PITRM1: variants seen among roughly 807,000 people sequenced by gnomAD.
PITRM1 encodes pitrilysin metallopeptidase 1.
PITRM1 carries 100 observed loss-of-function variants against 129.9 expected under a neutral mutation model. That is an observed-to-expected ratio of 0.77 (90% CI 0.65 to 0.91). The LOEUF (loss-of-function observed/expected upper bound fraction) is 0.91. Among genes scored for constraint, PITRM1 ranks in the 40% least tolerant of loss-of-function variants. The pLI is 0.00. For missense variants in PITRM1, 1,471 were observed against 1,318.3 expected, an observed-to-expected ratio of 1.12 and a Z score of -1.79; for synonymous variants, 591 against 508.8, an observed-to-expected ratio of 1.16 and a Z score of -2.17.
chr10:3,139,287 C>T (rs919247056), intron 24 of PITRM1, among the ~76,000 whole-genome samples: 2 of 152,316 alleles, frequency 1.3e-5, no homozygotes, highest in South Asian at 2.1e-4. Context: ...TGCACAAAGT[C>T]CTCCCTAGAT....
chr10:3,152,712 C>G (rs1841625974), intron 14 of PITRM1, among the ~76,000 whole-genome samples: 1 of 152,260 alleles, frequency 6.6e-6, no homozygotes, highest in East Asian at 1.9e-4. Context: ...CCTCACGCCA[C>G]TCGGAGATTT....
At chr10:3,171,166 A>AAAAAAAAAAAAC in intron 1 of PITRM1, among the ~76,000 whole-genome samples, 1 of 138,052 alleles carries the variant, frequency 7.2e-6, no homozygotes. Context: ...AAAAAAAAAA[A>AAAAAAAAAAAAC]AAAAAAAAAA....
At chr10:3,164,174 G>T (rs1056370469) in intron 6 of PITRM1, 5 of 171,658 alleles carry the variant, frequency 2.9e-5, no homozygotes, top group Non-Finnish European at 6.2e-5. Context: ...AAATCGGGAT[G>T]GATCAGTCGG....
At chr10:3,162,266 C>A (rs1842518014) in intron 7 of PITRM1, among the ~76,000 whole-genome samples, 1 of 152,150 alleles carries the variant, frequency 6.6e-6, no homozygotes, top group African/African-American at 2.4e-5. Context: ...AGCAGCCGGC[C>A]CTGCCTTTTC....
At chr10:3,143,841 C>T in intron 22 of PITRM1, 1 of 563,872 alleles carries the variant, frequency 1.8e-6, no homozygotes, top group Non-Finnish European at 3.4e-6. Flanking sequence ...TATTTCATAT[C>T]ATATTATATC....
intron 9 of PITRM1, 30 bp from the exon 10 acceptor site, chr10:3,159,072 TAAGAA>T (rs1430882928): frequency 6.3e-7 from 1 of 1,588,026 alleles, no homozygotes; most frequent in African/African-American, 1.4e-5. Flanking sequence ...AACGGGGAGG[TAAGAA>T]AAGAGTAAAG....
intron 10 of PITRM1, among the ~76,000 whole-genome samples, chr10:3,158,434 C>A (rs1203230320): frequency 6.6e-6 from 1 of 152,136 alleles, no homozygotes; most frequent in Admixed American, 6.6e-5. Context: ...CCTGTAGTCC[C>A]AGCTACTCTG....
chr10:3,160,533 TTGTTA>T (rs1842358453), intron 7 of PITRM1, among the ~76,000 whole-genome samples: 2 of 152,054 alleles, frequency 1.3e-5, no homozygotes, highest in Admixed American at 1.3e-4. Context: ...TTACAGTATA[TTGTTA>T]TAATTGTTCT....
chr10:3,166,343 C>T lies in PITRM1; in HGVS notation c.304G>A (p.Val102Ile), dbSNP rs1200005767. The T allele has an allele frequency of 3.2e-6, 4 of 1,259,932 alleles. No homozygotes were observed. The African/African-American group carries it at 7.9e-5, about 25-fold the overall frequency. The allele number at this position is 1,259,932 out of a possible 1,614,324, so 78.0% of individuals were successfully genotyped here. ...FRTTPMDSTGVPHILEHTVLC... is the reference protein window; with the variant it reads ...FRTTPMDSTGIPHILEHTVLC... ...ACGGTATGCTCAAGAATGTGAGGAACACCAGTACTGTCCATGGGAGTAGTA... is the reference window on the plus strand; with the variant it reads ...ACGGTATGCTCAAGAATGTGAGGAATACCAGTACTGTCCATGGGAGTAGTA... The change falls in exon 4 of 27, where the codon GTT becomes ATT. Residue 102 changes from valine to isoleucine, a missense_variant. By Grantham distance (29) the Val-to-Ile change is conservative. Transcript: ENST00000224949.
Position 3,148,158 on chromosome 10 carries a change from G to A in PITRM1, c.1992+13C>T, listed in dbSNP as rs372143848. ...CTTCCCACCGCAGCAGTCGTCTGAC[G>A]GTACCAGGCTACCTGCTCGTAGGTG... On this transcript the variant is annotated intron_variant, in intron 17 of 26. Coordinates refer to ENST00000224949, the MANE Select transcript of PITRM1 (RefSeq NM_014889.4). 1.8e-5 allele frequency: 29 copies of A among 1,613,756 alleles called. No individual in the cohort carries two copies. The highest frequency in any genetic ancestry group is 1.6e-4 in the Middle Eastern group (1 of 6,084).
At chr10:3,149,515 G>T (rs992794142) in intron 16 of PITRM1, 106 bp downstream of exon 16, 11 of 1,159,174 alleles carry the variant, frequency 9.5e-6, no homozygotes, top group South Asian at 3.3e-5. Flanking sequence ...CACTAACATT[G>T]TAAGTTGTGA....
rs1207973241 is a variant in PITRM1 at position 3,165,238 on chromosome 10, A to G, written c.630T>C (p.Phe210=). ...GVVFNEMKGA[F]TDNERIFSQH... ...AACATAAAAAAGGAAGAAAACTTAC[A>G]AACGCTCCCTTCATCTCATTAAAGA... The change falls in exon 6 of 27, where the codon TTT becomes TTC. Residue 210 remains phenylalanine (F), a splice_region_variant and synonymous_variant. Transcript: ENST00000224949. 5 of 1,553,128 alleles carry G rather than the reference A, an allele frequency of 3.2e-6. No individual in the cohort carries two copies. The highest frequency in any genetic ancestry group is 2.1e-5 in the Admixed American group (1 of 48,568).
intron 6 of PITRM1, 162 bp from the exon 7 acceptor site, chr10:3,164,047 G>A (rs1842673310): frequency 1.5e-5 from 6 of 397,322 alleles, no homozygotes; most frequent in East Asian, 4.4e-5. Flanking sequence ...AAACACCCAC[G>A]CAGGCATTGT....
chr10:3,148,482 C>A, intron 16 of PITRM1, 191 bp from the exon 17 acceptor site: 1 of 608,434 alleles, frequency 1.6e-6, no homozygotes, highest in Non-Finnish European at 2.7e-6. Flanking sequence ...GTGCCCCCTT[C>A]CCCAGGGAGA....
intron 1 of PITRM1, among the ~76,000 whole-genome samples, chr10:3,172,475 C>CG (rs1843465056): frequency 6.6e-6 from 1 of 152,168 alleles, no homozygotes; most frequent in Non-Finnish European, 1.5e-5. Flanking sequence ...GGGAGCGCCG[C>CG]GGGCAGGCCC....
At chr10:3,143,266 G>A (rs548518794) in intron 23 of PITRM1, 123 bp downstream of exon 23, 5 of 659,710 alleles carry the variant, frequency 7.6e-6, no homozygotes, top group East Asian at 2.7e-5. Context: ...ACAGCCCCAG[G>A]TCCAACACTC....
chr10:3,172,636 G>A, intron 1 of PITRM1, 81 bp downstream of exon 1: 1 of 1,274,784 alleles, frequency 7.8e-7, no homozygotes, highest in Non-Finnish European at 1.1e-6. Context: ...CAGGGACGAG[G>A]ACCCCTACGC....
chr10:3,159,636 G>A (rs531438335), intron 9 of PITRM1, among the ~76,000 whole-genome samples: 4 of 152,130 alleles, frequency 2.6e-5, no homozygotes, highest in South Asian at 2.1e-4. Flanking sequence ...CTTTTCTTCC[G>A]GAGGGCTATC....
At position 3,160,293 on chromosome 10, in the gene PITRM1, G is replaced by C; in HGVS notation, c.829C>G (p.Leu277Val). The C allele has an allele frequency of 6.2e-7, 1 of 1,613,164 alleles. No individual in the cohort carries two copies. Among genetic ancestry groups the C allele is most frequent in the Non-Finnish European group, 8.5e-7 (1 of 1,179,146 alleles). ...AGTGCTTCCTCGTGAATTTGTTTCA[G>C]ATGCTGTTCTAATGGAAAATTACCG... ...TYGNFPLEQH[L>V]KQIHEEALSK... The change falls in exon 8 of 27, where the codon CTG (leucine) becomes GTG (valine). Residue 277 changes from leucine (L) to valine (V), a missense_variant. By Grantham distance (32) the Leu-to-Val change is conservative. Coordinates refer to ENST00000224949, the MANE Select transcript of PITRM1 (RefSeq NM_014889.4).
Sources: gnomAD v4.1 joint callset for allele counts (sites outside exome capture counted in the v4.1 genomes callset) on GRCh38, gnomAD v4.1.1 for gene constraint, MANE v1.5 for transcripts, NCBI Gene and HGNC (gene_info 2026-07-23, HGNC 2026-07-21) for gene names.